TUSC3: variants seen among roughly 807,000 people sequenced by gnomAD.
TUSC3 encodes tumor suppressor candidate 3.
Under a neutral mutation model 44.8 loss-of-function variants are expected in TUSC3, and 45 were observed. That is an observed-to-expected ratio of 1.00 (90% CI 0.79 to 1.29). The LOEUF is 1.29. Among genes scored for constraint, TUSC3 ranks in the 50% most tolerant of loss-of-function variants. The pLI is 0.00. For synonymous variants in TUSC3, 212 were observed against 152.9 expected (o/e 1.39, Z -2.85); for missense variants, 519 against 437.9 (o/e 1.19, Z -1.65).
At chr8:15,635,555 G>A (rs1053234071) in intron 2 of TUSC3, among the ~76,000 whole-genome samples, 1 of 152,092 alleles carries the variant, frequency 6.6e-6, no homozygotes, top group African/African-American at 2.4e-5. Context: ...ATTCACAATG[G>A]AATGGCTACA....
chr8:15,811,070 C>T, the TUSC3 span, among the ~76,000 whole-genome samples: 5 of 152,154 alleles, frequency 3.3e-5, no homozygotes, highest in South Asian at 8.3e-4. Flanking sequence ...AAGGGGGAAG[C>T]GTATGAGAAA....
At position 15,659,579 on chromosome 8, in the gene TUSC3, G is replaced by GA; in HGVS notation, c.500dup (p.Asp167GlufsTer10). 1 of 1,613,314 alleles carries GA rather than the reference G, an allele frequency of 6.2e-7. No homozygotes were observed. The highest frequency in any genetic ancestry group is 1.1e-5 in the South Asian group (1 of 91,058). On this transcript the variant is annotated frameshift_variant, in exon 4 of 11. Coordinates refer to ENST00000503731, the MANE Select transcript of TUSC3 (RefSeq NM_006765.4). LOFTEE classifies it high-confidence loss of function. Reference sequence around the variant, plus strand: ...CAGACCTAAGAGAGCTGATACTTTTGACCTCCAAAGAATTGGATTTGCAGC... The same window carrying GA: ...CAGACCTAAGAGAGCTGATACTTTTGAACCTCCAAAGAATTGGATTTGCAGC...
intron 1 of TUSC3, among the ~76,000 whole-genome samples, chr8:15,615,147 G>T (rs1314524929): frequency 5.3e-5 from 8 of 152,150 alleles, no homozygotes; most frequent in Non-Finnish European, 7.4e-5. Context: ...GTATCAAAGA[G>T]ATACCTGTCC....
At chr8:15,651,868 T>A (rs1806923252) in intron 3 of TUSC3, among the ~76,000 whole-genome samples, 1 of 151,596 alleles carries the variant, frequency 6.6e-6, no homozygotes, top group South Asian at 2.1e-4. Flanking sequence ...ATCATCATCA[T>A]TGTTGACATC....
chr8:15,446,868 T>C (rs946635524), intron 1 of TUSC3, among the ~76,000 whole-genome samples: 14 of 139,342 alleles, frequency 1.0e-4, no homozygotes, highest in Non-Finnish European at 1.7e-4. Context: ...AAAATGGAGA[T>C]GAAAGTGAAC....
intron 1 of TUSC3, among the ~76,000 whole-genome samples, chr8:15,448,121 T>TATATATATATATATA (rs1354912985): frequency 4.6e-4 from 12 of 25,866 alleles, no homozygotes; most frequent in South Asian, 3.5e-3. Flanking sequence ...ATATATATAT[T>TATATATATATATATA]TATTTATTTA....
chr8:15,849,111 T>TA, the TUSC3 span, among the ~76,000 whole-genome samples: 3 of 152,172 alleles, frequency 2.0e-5, no homozygotes, highest in African/African-American at 7.2e-5. Context: ...ATATAGGGCT[T>TA]AAAAAATCAA....
rs1354912985 is a variant in TUSC3 at position 15,448,121 on chromosome 8, T to TATATATATATATATATATATATA, written n.91+30816_91+30817insATATATATATATATATATATATA. 6.3e-3 allele frequency among the ~76,000 whole-genome samples: 163 copies of TATATATATATATATATATATATA among 25,770 alleles called. 12 individuals are homozygous for TATATATATATATATATATATATA. Among genetic ancestry groups the TATATATATATATATATATATATA allele is most frequent in the Middle Eastern group, 0.042 (2 of 48 alleles). 16.9% of individuals were successfully genotyped at this position (25,770 alleles called of 152,430 possible). ...GTAGTGTATATACATATATATATAT[T>TATATATATATATATATATATATA]TATTTATTTATTTTTTAGATGGAGT... On this transcript the variant is annotated intron_variant and non_coding_transcript_variant, in intron 1 of 5. Transcript: ENST00000503191.
At chr8:15,467,616 A>G (rs976610456) in intron 1 of TUSC3, among the ~76,000 whole-genome samples, 3 of 152,154 alleles carry the variant, frequency 2.0e-5, no homozygotes, top group African/African-American at 4.8e-5. Flanking sequence ...TTGGGAAAAC[A>G]CTGATTTGGT....
At chr8:15,741,849 CTTG>C (rs750749364) in intron 7 of TUSC3, among the ~76,000 whole-genome samples, 3 of 152,016 alleles carry the variant, frequency 2.0e-5, no homozygotes, top group Non-Finnish European at 4.4e-5. Context: ...TTAGTAACTC[CTTG>C]TTAAGGATCC....
At chr8:15,748,632 C>T (rs918811169) in intron 9 of TUSC3, 167 bp downstream of exon 9, 2 of 751,116 alleles carry the variant, frequency 2.7e-6, no homozygotes, top group African/African-American at 1.7e-5. Flanking sequence ...GTGAAGTACA[C>T]AAAGGAGATA....
At chr8:15,558,872 T>C (rs1295858289) in intron 1 of TUSC3, among the ~76,000 whole-genome samples, 1 of 151,268 alleles carries the variant, frequency 6.6e-6, no homozygotes, top group Non-Finnish European at 1.5e-5. Context: ...TCATTTTTTA[T>C]TGCGTCTGTT....
chr8:15,663,882 G>A (rs1807536493), intron 5 of TUSC3, among the ~76,000 whole-genome samples: 1 of 151,772 alleles, frequency 6.6e-6, no homozygotes, highest in African/African-American at 2.4e-5. Flanking sequence ...CTGTGTTGTT[G>A]CAAAATCAAA....
intron 2 of TUSC3, among the ~76,000 whole-genome samples, chr8:15,534,707 G>A (rs956677983): frequency 2.0e-4 from 31 of 151,246 alleles, no homozygotes; most frequent in Non-Finnish European, 4.3e-4. Flanking sequence ...AGCAATGAAC[G>A]ATTCGTGAAT....
the TUSC3 span, among the ~76,000 whole-genome samples, chr8:15,811,228 ACAAAGTGAAGGCTTTT>A: frequency 6.6e-6 from 1 of 152,320 alleles, no homozygotes; most frequent in Non-Finnish European, 1.5e-5. Flanking sequence ...CAGAGACATA[ACAAAGTGAAGGCTTTT>A]GTTTTCCTCT....
chr8:15,718,038 TATTG>T (rs368569745), intron 6 of TUSC3, among the ~76,000 whole-genome samples: 34 of 152,252 alleles, frequency 2.2e-4, no homozygotes, highest in African/African-American at 5.1e-4. Flanking sequence ...AAGTACTAGA[TATTG>T]ATTGATTGAT....
downstream of TUSC3, among the ~76,000 whole-genome samples, chr8:15,770,449 C>G (rs1319169971): frequency 6.6e-6 from 1 of 151,910 alleles, no homozygotes. Flanking sequence ...GGAGAAATAC[C>G]CAATGTAGAT....
the TUSC3 span, among the ~76,000 whole-genome samples, chr8:15,772,025 C>T: frequency 1.3e-4 from 19 of 151,948 alleles, no homozygotes; most frequent in Admixed American, 3.3e-4. Flanking sequence ...GGAGGCGGAG[C>T]TTGCAGTGAG....
chr8:15,478,670 C>G (rs1800616601), intron 1 of TUSC3, among the ~76,000 whole-genome samples: 2 of 152,100 alleles, frequency 1.3e-5, no homozygotes, highest in South Asian at 4.1e-4. Flanking sequence ...TTTTCTTTAT[C>G]CAGGCTATTA....
Sources: gnomAD v4.1 joint callset for allele counts (sites outside exome capture counted in the v4.1 genomes callset) on GRCh38, gnomAD v4.1.1 for gene constraint, MANE v1.5 for transcripts, NCBI Gene and HGNC (gene_info 2026-07-23, HGNC 2026-07-21) for gene names.